DEFA4: variants seen among roughly 807,000 people sequenced by gnomAD.
DEFA4 encodes the protein defensin alpha 4.
A neutral mutation model predicts 4.4 loss-of-function variants in DEFA4; 8 were observed. The ratio of observed to expected loss-of-function variants is 1.82; its 90% CI spans 1.07 to 3.29. The LOEUF (loss-of-function observed/expected upper bound fraction) is 3.29. Ranked by LOEUF, DEFA4 falls within the 30% of genes most tolerant of loss-of-function variation. The pLI, the probability that DEFA4 is intolerant of heterozygous loss-of-function variation, is 0.00. For missense variants in DEFA4, 216 were observed against 127.0 expected (o/e 1.70, Z -3.37); for synonymous variants, 77 against 46.5 (o/e 1.66, Z -2.67).
intron 2 of DEFA4, 125 bp from the exon 3 acceptor site, chr8:6,936,266 A>G (rs1250773226): frequency 2.4e-6 from 3 of 1,230,418 alleles, no homozygotes; most frequent in South Asian, 1.4e-5. Flanking sequence ...CGGTAGCACA[A>G]ACAACCTTAG....
Position 6,936,747 on chromosome 8 carries a change from G to A in DEFA4, c.153C>T (p.Ser51=), listed in dbSNP as rs554641481. ...DISISFAWDK[S]SALQVSGSTR... is the part of the protein sequence containing the mutation. Reference sequence around the variant, plus strand: ...TCTCACCTGAAACCTGAAGAGCAGAGCTTTTATCCCATGCAAAGGAAATAG... The same window carrying A: ...TCTCACCTGAAACCTGAAGAGCAGAACTTTTATCCCATGCAAAGGAAATAG... Residue 51 remains serine, a synonymous_variant, in exon 2 of 3, where the codon AGC becomes AGT. Transcript: ENST00000297435. 22 of 1,609,408 alleles carry A rather than the reference G, an allele frequency of 1.4e-5. No individual in the cohort carries two copies. The highest frequency in any genetic ancestry group is 1.8e-5 in the Non-Finnish European group (21 of 1,177,526).
At chr8:6,938,085 C>G (rs1313470158) in intron 1 of DEFA4, 141 bp downstream of exon 1, 1 of 152,208 alleles carries the variant, frequency 6.6e-6, no homozygotes, top group Non-Finnish European at 1.5e-5. Context: ...CCAGCAGCCG[C>G]CAGACACCCA....
At chr8:6,936,707 T>C in intron 2 of DEFA4, 21 bp downstream of exon 2, 1 of 1,570,060 alleles carries the variant, frequency 6.4e-7, no homozygotes, top group Non-Finnish European at 8.7e-7. Context: ...TCGGTAGCTT[T>C]TTTATGCTGG....
chr8:6,938,074 C>T (rs1341418741), intron 1 of DEFA4, among the ~76,000 whole-genome samples, 152 bp downstream of exon 1: 1 of 152,158 alleles, frequency 6.6e-6, no homozygotes, highest in African/African-American at 2.4e-5. Context: ...AGCCATTACC[C>T]CCAGCAGCCG....
intron 1 of DEFA4, 77 bp from the exon 2 acceptor site, chr8:6,936,988 C>T: frequency 7.7e-7 from 1 of 1,290,414 alleles, no homozygotes; most frequent in Non-Finnish European, 1.0e-6. Flanking sequence ...TGGGAGAAGG[C>T]ACAGAGATAA....
In DEFA4 at chr8:6,936,806, G is replaced by T. The variant is rs1340924166; in HGVS notation, c.94C>A (p.Gln32Lys). 1 of 1,613,630 alleles carries T rather than the reference G, an allele frequency of 6.2e-7. No individual in the cohort carries two copies. The highest frequency in any genetic ancestry group is 1.3e-5 in the African/African-American group (1 of 74,922). ...TGGTCTTCTGGCCCACGCTGCTCCT[G>T]GCCTGGAGCCTCATCACCTCTTGCC... The part of the protein sequence containing the change: ...LQARGDEAPG[Q>K]EQRGPEDQDI... Residue 32 changes from glutamine (Q) to lysine (K), a missense_variant, in exon 2 of 3, where the codon CAG (glutamine) becomes AAG (lysine). Physicochemically the swap from Gln to Lys is moderately conservative, Grantham distance 53. Coordinates refer to ENST00000297435, the MANE Select transcript of DEFA4 (RefSeq NM_001925.3).
chr8:6,936,192 G>T (rs1319170583), intron 2 of DEFA4, 51 bp from the exon 3 acceptor site: 12 of 1,603,460 alleles, frequency 7.5e-6, no homozygotes, highest in South Asian at 1.1e-5. Flanking sequence ...TCAGCGGTGG[G>T]TGGTAAAGGG....
chr8:6,937,778 G>A lies in DEFA4; in HGVS notation c.-13+448C>T, dbSNP rs544694900. ...CATTGAACGCTAAAGCATCTTCATA[G>A]CAAAGGAAACAATCAACTGAGGGAA... On this transcript the variant is annotated intron_variant, in intron 1 of 2. Coordinates refer to ENST00000297435, the MANE Select transcript of DEFA4 (RefSeq NM_001925.3). Among the ~76,000 whole-genome samples the A allele has an allele frequency of 3.3e-5, 5 of 152,248 alleles. No individual in the cohort carries two copies. In the East Asian group the frequency reaches 9.6e-4, roughly 29 times the overall value.
chr8:6,935,941 G>A lies in DEFA4; in HGVS notation c.*79C>T. The A allele has an allele frequency of 6.3e-7, 1 of 1,593,170 alleles. No individual in the cohort carries two copies. The highest frequency in any genetic ancestry group is 1.1e-5 in the South Asian group (1 of 89,774). On this transcript the variant is annotated 3_prime_UTR_variant, in exon 3 of 3. Coordinates refer to ENST00000297435, the MANE Select transcript of DEFA4 (RefSeq NM_001925.3). ...GAGCTCATTTTTCTCTATTCTGCAA[G>A]CTCAGCTGCAGAAGCATGTGAAGCT...
At chr8:6,936,268 C>CA in intron 2 of DEFA4, 127 bp from the exon 3 acceptor site, 1 of 1,159,018 alleles carries the variant, frequency 8.6e-7, no homozygotes, top group South Asian at 1.5e-5. Flanking sequence ...GTAGCACAAA[C>CA]AACCTTAGTC....
At chr8:6,936,246 G>A (rs1462112529) in intron 2 of DEFA4, 105 bp from the exon 3 acceptor site, 1 of 1,458,600 alleles carries the variant, frequency 6.9e-7, no homozygotes, top group African/African-American at 1.4e-5. Context: ...GATGCTGGCT[G>A]CATTAGTGCC....
intron 1 of DEFA4, among the ~76,000 whole-genome samples, chr8:6,937,569 A>G (rs1426610738): frequency 6.6e-6 from 1 of 152,204 alleles, no homozygotes; most frequent in African/African-American, 2.4e-5. Flanking sequence ...CTCTCACAGC[A>G]TGTAAAAAAT....
chr8:6,937,120 C>G lies in DEFA4; in HGVS notation c.-12-209G>C, dbSNP rs141301688. ...CTCCCAGCTTTCTTCACAGGAAGCT[C>G]TATGTTTAGTGTCTGTGCTAGGTTG... On this transcript the variant is annotated intron_variant, in intron 1 of 2. Transcript: ENST00000297435. 2.9e-3 allele frequency among the ~76,000 whole-genome samples: 439 copies of G among 152,176 alleles called. 3 individuals carry two copies. Among genetic ancestry groups the G allele is most frequent in the African/African-American group, 9.8e-3 (409 of 41,544 alleles).
chr8:6,936,864 C>T lies in DEFA4; in HGVS notation c.36G>A (p.Leu12=). Residue 12 remains leucine (L), a synonymous_variant, in exon 2 of 3, where the codon TTG becomes TTA. Transcript: ENST00000297435. The stretch of plus-strand genomic sequence containing the variant: ...GGCCTGCCCGGACCTGGAGGGCTAC[C>T]AAGAGAATAGCAGCGAGGAGGGCGA... The part of the protein sequence containing the change: ...RIIALLAAIL[L]VALQVRAGPL... 6.2e-7 allele frequency: 1 copy of T among 1,611,928 alleles called. No individual in the cohort carries two copies. Among genetic ancestry groups the T allele is most frequent in the Non-Finnish European group, 8.5e-7 (1 of 1,178,952 alleles).
chr8:6,937,910 C>A (rs972787606), intron 1 of DEFA4, among the ~76,000 whole-genome samples: 1 of 152,146 alleles, frequency 6.6e-6, no homozygotes, highest in Non-Finnish European at 1.5e-5. Context: ...AAAAAACAAA[C>A]AACCTGATTG....
Position 6,937,327 on chromosome 8 carries a change from A to G in DEFA4, c.-12-416T>C, listed in dbSNP as rs1487257494. Among the ~76,000 whole-genome samples, 3 of 152,144 alleles carry G rather than the reference A, an allele frequency of 2.0e-5. No individual in the cohort carries two copies. The East Asian group carries it at 5.8e-4, about 29-fold the overall frequency. On this transcript the variant is annotated intron_variant, in intron 1 of 2. Transcript: ENST00000297435. ...GCCCTACTATTCTCTTCAGGTCTAA[A>G]CACTGGTGCCAGACCTGTATTCCGG...
intron 2 of DEFA4, 131 bp from the exon 3 acceptor site, chr8:6,936,272 C>T: frequency 8.7e-7 from 1 of 1,143,408 alleles, no homozygotes; most frequent in Non-Finnish European, 1.2e-6. Context: ...CACAAACAAC[C>T]TTAGTCAATA....
Position 6,936,132 on chromosome 8 carries a change from C to CTTGTTGAGCCTGTG in DEFA4, c.181_182insCACAGGCTCAACAA (p.Arg61ThrfsTer14). The CTTGTTGAGCCTGTG allele has an allele frequency of 6.2e-7, 1 of 1,613,920 alleles. No individual in the cohort carries two copies. The highest frequency in any genetic ancestry group is 2.2e-5 in the East Asian group (1 of 44,888). ...TAATCTGCAAGAGCAGACCATGCCC[C>CTTGTTGAGCCTGTG]TTGTTGAGCCTGGGAACACAGAGGA... On this transcript the variant is annotated frameshift_variant, in exon 3 of 3. Coordinates refer to ENST00000297435, the MANE Select transcript of DEFA4 (RefSeq NM_001925.3). LOFTEE classifies it low-confidence loss of function (END_TRUNC).
chr8:6,935,992 G>T lies in DEFA4; in HGVS notation c.*28C>A. ...AACACCACCGATGATGGCGTTCCCA[G>T]CATGACATTCTCTTGGACAGCAGAA... On this transcript the variant is annotated 3_prime_UTR_variant, in exon 3 of 3. Coordinates refer to ENST00000297435, the MANE Select transcript of DEFA4 (RefSeq NM_001925.3). The T allele has an allele frequency of 6.2e-7, 1 of 1,612,716 alleles. No homozygotes were observed. The highest frequency in any genetic ancestry group is 8.5e-7 in the Non-Finnish European group (1 of 1,178,890).
Sources: allele counts gnomAD v4.1 joint callset (sites outside exome capture counted in the v4.1 genomes callset), GRCh38; gene constraint gnomAD v4.1.1; transcripts MANE v1.5; gene names NCBI Gene and HGNC (gene_info 2026-07-23, HGNC 2026-07-21).